The following PPP2R3A variants were observed in gnomAD, a reference collection of about 807,000 sequenced individuals.
PPP2R3A encodes serine/threonine-protein phosphatase 2A regulatory subunit B'' subunit alpha.
Under a neutral mutation model 106.9 loss-of-function variants are expected in PPP2R3A, and 80 were observed. The observed-to-expected ratio is 0.75, with a 90% CI of 0.62 to 0.90. PPP2R3A has a LOEUF of 0.90. PPP2R3A is among the 40% of genes least tolerant of loss of function. The pLI is 0.00. For missense variants in PPP2R3A, 1,386 were observed against 1,350.4 expected (o/e 1.03, Z -0.41); for synonymous variants, 483 against 468.3 (o/e 1.03, Z -0.41).
intron 1 of PPP2R3A, among the ~76,000 whole-genome samples, chr3:135,985,368 C>A (rs1298503266): frequency 7.2e-6 from 1 of 138,402 alleles, no homozygotes; most frequent in African/African-American, 2.6e-5. Flanking sequence ...CTTTCCCTCT[C>A]TCCCTTCCTC....
intron 13 of PPP2R3A, 97 bp downstream of exon 13, chr3:136,106,419 AT>A: frequency 1.9e-6 from 2 of 1,028,774 alleles, no homozygotes; most frequent in Non-Finnish European, 2.9e-6. Flanking sequence ...TGTTTTTTCC[AT>A]TTTTGAATAG....
At chr3:136,126,213 C>G (rs1325981792) in intron 13 of PPP2R3A, among the ~76,000 whole-genome samples, 1 of 152,224 alleles carries the variant, frequency 6.6e-6, no homozygotes, top group East Asian at 1.9e-4. Context: ...ATTTCCCTTT[C>G]CTAACCAAGG....
chr3:136,084,081 T>C (rs1462885368), intron 8 of PPP2R3A, among the ~76,000 whole-genome samples: 3 of 152,204 alleles, frequency 2.0e-5, no homozygotes, highest in Admixed American at 2.0e-4. Context: ...AGTCAAATGC[T>C]AATCACCAAA....
At chr3:136,135,291 C>T (rs1312036199) in intron 13 of PPP2R3A, among the ~76,000 whole-genome samples, 1 of 151,944 alleles carries the variant, frequency 6.6e-6, no homozygotes, top group East Asian at 1.9e-4. Context: ...TTATGAGGTC[C>T]CAAGGGGCAA....
At chr3:136,045,215 CT>C (rs1017624336) in intron 4 of PPP2R3A, among the ~76,000 whole-genome samples, 10 of 152,192 alleles carry the variant, frequency 6.6e-5, no homozygotes, top group African/African-American at 1.9e-4. Context: ...TGCGAGAGCG[CT>C]TTTGCCAGTG....
At chr3:136,127,916 C>T (rs1441214132) in intron 13 of PPP2R3A, among the ~76,000 whole-genome samples, 1 of 152,108 alleles carries the variant, frequency 6.6e-6, no homozygotes, top group Admixed American at 6.5e-5. Context: ...CCAAACTAAG[C>T]TTCATAAGTG....
chr3:136,041,129 C>A (rs1376691298), intron 4 of PPP2R3A, among the ~76,000 whole-genome samples, 167 bp downstream of exon 4: 2 of 151,736 alleles, frequency 1.3e-5, no homozygotes, highest in African/African-American at 2.4e-5. Flanking sequence ...CATACAAGTT[C>A]TTTGCCACAA....
chr3:136,126,485 A>T (rs1938186916), intron 13 of PPP2R3A, among the ~76,000 whole-genome samples: 1 of 152,222 alleles, frequency 6.6e-6, no homozygotes, highest in Non-Finnish European at 1.5e-5. Context: ...AACTGGGCAG[A>T]GCCCACCACA....
chr3:136,002,095 C>G lies in PPP2R3A; in HGVS notation c.597C>G (p.Ser199=), dbSNP rs780683019. The G allele has an allele frequency of 1.3e-5, 21 of 1,614,092 alleles. No homozygotes were observed. Among genetic ancestry groups the G allele is most frequent in the Non-Finnish European group, 1.8e-5 (21 of 1,179,996 alleles). The part of the protein sequence containing the change: ...HRNSLDTNLT[S]MFLQNFSEED... ...ACTCACTGGATACGAACCTGACTTC[C>G]ATGTTTCTTCAAAACTTTTCTGAAG... Residue 199 remains serine, a synonymous_variant, in exon 2 of 14, where the codon TCC becomes TCG. Coordinates refer to ENST00000264977, the MANE Select transcript of PPP2R3A (RefSeq NM_002718.5).
intron 3 of PPP2R3A, among the ~76,000 whole-genome samples, chr3:136,039,842 C>T (rs1452984079): frequency 1.3e-5 from 2 of 151,442 alleles, no homozygotes; most frequent in Admixed American, 6.6e-5. Context: ...AATTTTTTCT[C>T]CTTCAGGTTT....
chr3:136,040,769 T>G, intron 3 of PPP2R3A, 90 bp from the exon 4 acceptor site: 1 of 1,080,424 alleles, frequency 9.3e-7, no homozygotes, highest in Non-Finnish European at 1.3e-6. Flanking sequence ...CACTGTGGCA[T>G]GAAGGGTAAA....
intron 6 of PPP2R3A, among the ~76,000 whole-genome samples, chr3:136,073,148 T>C (rs1051759475): frequency 9.9e-5 from 15 of 152,166 alleles, no homozygotes; most frequent in Non-Finnish European, 1.9e-4. Context: ...TTTGTATTTT[T>C]AGTAGAGACG....
At chr3:136,123,844 G>A (rs543256344) in intron 13 of PPP2R3A, among the ~76,000 whole-genome samples, 19 of 152,238 alleles carry the variant, frequency 1.2e-4, no homozygotes, top group African/African-American at 3.9e-4. Flanking sequence ...TTGATAGAAC[G>A]ATTGCAGACA....
intron 10 of PPP2R3A, among the ~76,000 whole-genome samples, chr3:136,091,084 C>T (rs370925037): frequency 6.6e-6 from 1 of 152,216 alleles, no homozygotes; most frequent in African/African-American, 2.4e-5. Flanking sequence ...ATCATCTATG[C>T]TTTTCCTTGG....
At chr3:136,089,653 G>T (rs898258816) in intron 9 of PPP2R3A, among the ~76,000 whole-genome samples, 11 of 149,674 alleles carry the variant, frequency 7.3e-5, no homozygotes, top group Non-Finnish European at 1.3e-4. Context: ...AACGACATTA[G>T]TTTAATAAGA....
intron 2 of PPP2R3A, chr3:136,022,685 G>A: frequency 1.2e-6 from 1 of 861,764 alleles, no homozygotes; most frequent in Non-Finnish European, 1.4e-6. Flanking sequence ...ACTATTTTTA[G>A]GTCCAGCTGT....
intron 2 of PPP2R3A, 21 bp from the exon 3 acceptor site, chr3:136,026,811 A>T: frequency 6.3e-7 from 1 of 1,580,242 alleles, no homozygotes; most frequent in Non-Finnish European, 8.6e-7. Context: ...TTTGTGTCTC[A>T]TAATCTTATT....
At chr3:136,136,045 C>CAA (rs34558229) in intron 13 of PPP2R3A, among the ~76,000 whole-genome samples, 1,663 of 22,192 alleles carry the variant, frequency 0.075, 151 homozygotes, top group African/African-American at 0.12. Flanking sequence ...GACTCCGTCT[C>CAA]AAAAAAAAAA....
At chr3:136,036,573 G>A (rs539792089) in intron 3 of PPP2R3A, among the ~76,000 whole-genome samples, 2 of 152,202 alleles carry the variant, frequency 1.3e-5, no homozygotes, top group Non-Finnish European at 2.9e-5. Context: ...TGAACCCTCT[G>A]TGGGTCTCTC....
Sources: allele counts gnomAD v4.1 joint callset (sites outside exome capture counted in the v4.1 genomes callset), GRCh38; gene constraint gnomAD v4.1.1; transcripts MANE v1.5; gene names NCBI Gene and HGNC (gene_info 2026-07-23, HGNC 2026-07-21).